RBFOX1: variants seen among roughly 807,000 people sequenced by gnomAD.
RBFOX1 encodes the protein RNA binding fox-1 homolog 1.
RBFOX1 carries 8 observed loss-of-function variants against 57.7 expected under a neutral mutation model. That is an observed-to-expected ratio of 0.14 (90% CI 0.08 to 0.25). The LOEUF (loss-of-function observed/expected upper bound fraction) is 0.25, where lower values mean the gene tolerates loss of function less well. RBFOX1 is among the 10% of genes least tolerant of loss of function. The probability of loss-of-function intolerance (pLI) is 1.00; values close to 1 mark genes in which losing one functional copy is unlikely to be tolerated. For missense variants in RBFOX1, 611 were observed against 548.5 expected, an observed-to-expected ratio of 1.11 and a Z score of -1.14; for synonymous variants, 326 against 222.4, an observed-to-expected ratio of 1.47 and a Z score of -4.15.
intron 4 of RBFOX1, among the ~76,000 whole-genome samples, chr16:7,061,749 G>C (rs2346252): frequency 0.44 from 66,585 of 151,992 alleles, 17,663 homozygotes; most frequent in South Asian, 0.63. Context: ...TAATAATGCT[G>C]ACATTTTAAT....
At chr16:6,535,244 C>T (rs1599132234) in intron 2 of RBFOX1, among the ~76,000 whole-genome samples, 1 of 152,196 alleles carries the variant, frequency 6.6e-6, no homozygotes, top group Admixed American at 6.5e-5. Context: ...TGGTCACCTT[C>T]TTTCCAGCCA....
intron 2 of RBFOX1, among the ~76,000 whole-genome samples, chr16:6,517,798 C>G (rs2096410579): frequency 6.6e-6 from 1 of 152,124 alleles, no homozygotes; most frequent in Non-Finnish European, 1.5e-5. Context: ...AATATTTTTG[C>G]TTTTCTTCCA....
intron 2 of RBFOX1, among the ~76,000 whole-genome samples, chr16:6,593,514 G>A (rs1288108922): frequency 6.6e-6 from 1 of 152,160 alleles, no homozygotes; most frequent in Non-Finnish European, 1.5e-5. Context: ...GCCTCAGGCT[G>A]ACAATGGGAT....
chr16:7,260,508 G>T (rs962585726), intron 4 of RBFOX1, among the ~76,000 whole-genome samples: 8 of 151,904 alleles, frequency 5.3e-5, no homozygotes, highest in Non-Finnish European at 8.8e-5. Context: ...CTCTTTCCCC[G>T]TTAACTGCTT....
At chr16:6,342,244 C>T (rs1156443069) in intron 2 of RBFOX1, among the ~76,000 whole-genome samples, 2 of 152,136 alleles carry the variant, frequency 1.3e-5, no homozygotes, top group African/African-American at 4.8e-5. Flanking sequence ...TGTTGCAGAG[C>T]TCCTGGGGAG....
At chr16:7,201,758 C>T (rs188936609) in intron 4 of RBFOX1, among the ~76,000 whole-genome samples, 35 of 152,196 alleles carry the variant, frequency 2.3e-4, no homozygotes, top group Non-Finnish European at 4.0e-4. Context: ...CCACCATGCC[C>T]GGCCGATCTG....
chr16:5,696,497 T>G (rs1440382966), intron 3 of RBFOX1, among the ~76,000 whole-genome samples: 2 of 152,234 alleles, frequency 1.3e-5, no homozygotes, highest in Non-Finnish European at 2.9e-5. Flanking sequence ...GTGCTTTGAC[T>G]AAATATGTAG....
chr16:6,314,055 T>TAA (rs973601488), intron 1 of RBFOX1, among the ~76,000 whole-genome samples: 2 of 152,126 alleles, frequency 1.3e-5, no homozygotes, highest in African/African-American at 4.8e-5. Flanking sequence ...AGACCAGATG[T>TAA]AAAGGTGTGG....
chr16:5,531,909 C>A (rs1007332272), intron 2 of RBFOX1, among the ~76,000 whole-genome samples: 2 of 151,728 alleles, frequency 1.3e-5, no homozygotes, highest in East Asian at 3.9e-4. Flanking sequence ...TCAAGCGTCT[C>A]CTGCCTCAGC....
chr16:6,064,968 T>G (rs997931030), intron 1 of RBFOX1, among the ~76,000 whole-genome samples: 2 of 148,332 alleles, frequency 1.3e-5, no homozygotes, highest in Non-Finnish European at 3.0e-5. Context: ...AATTAAAAAT[T>G]AAAAAAAAAA....
intron 1 of RBFOX1, among the ~76,000 whole-genome samples, chr16:5,266,947 A>G (rs1167186446): frequency 6.6e-6 from 1 of 151,940 alleles, no homozygotes; most frequent in Non-Finnish European, 1.5e-5. Flanking sequence ...CATTTAGAAA[A>G]ATTGGTCATA....
chr16:5,672,183 A>G (rs1234481898), intron 3 of RBFOX1, among the ~76,000 whole-genome samples: 1 of 152,158 alleles, frequency 6.6e-6, no homozygotes, highest in African/African-American at 2.4e-5. Flanking sequence ...GAAGGATTCC[A>G]TCCTCAGTAC....
chr16:7,392,849 GGTTTGGTTTGTTTGTTT>G (rs1291202730), intron 4 of RBFOX1, among the ~76,000 whole-genome samples: 49 of 149,228 alleles, frequency 3.3e-4, no homozygotes, highest in African/African-American at 1.1e-3. Context: ...GTTTTGGTTT[GGTTTGGTTTGTTTGTTT>G]GTTTGTTTGT....
intron 1 of RBFOX1, among the ~76,000 whole-genome samples, chr16:5,381,542 TGA>T (rs528515449): frequency 1.3e-5 from 2 of 152,132 alleles, no homozygotes; most frequent in Non-Finnish European, 2.9e-5. Flanking sequence ...CACTGGGTAG[TGA>T]GGATGAAGAG....
At chr16:6,295,790 T>C (rs2078034479) in intron 1 of RBFOX1, among the ~76,000 whole-genome samples, 1 of 152,176 alleles carries the variant, frequency 6.6e-6, no homozygotes, top group Admixed American at 6.5e-5. Flanking sequence ...AGCCCGCTGT[T>C]CACAAATGTG....
In RBFOX1 at chr16:5,365,770, C is replaced by T. The variant is rs187473099; in HGVS notation, c.220-101446C>T. The T allele has an allele frequency of 6.5e-5, 32 of 492,946 alleles. No homozygotes were observed. In the East Asian group the frequency reaches 1.5e-3, roughly 24 times the overall value. 30.5% of individuals were successfully genotyped at this position (492,946 alleles called of 1,614,324 possible). On this transcript the variant is annotated intron_variant, in intron 1 of 2. Transcript: ENST00000585867. ...TCATTTATCTCTGTCCGCCTTCTCTCCCACCTAAGTGCATGCTGCCACCCA... is the reference window on the plus strand; with the variant it reads ...TCATTTATCTCTGTCCGCCTTCTCTTCCACCTAAGTGCATGCTGCCACCCA...
At chr16:6,125,863 G>A (rs998880728) in intron 1 of RBFOX1, among the ~76,000 whole-genome samples, 7 of 152,078 alleles carry the variant, frequency 4.6e-5, no homozygotes, top group East Asian at 1.9e-4. Context: ...TGATACTGCC[G>A]GGGAGAGATT....
intron 3 of RBFOX1, among the ~76,000 whole-genome samples, chr16:5,605,627 G>A (rs763742547): frequency 5.9e-4 from 89 of 151,862 alleles, no homozygotes; most frequent in Non-Finnish European, 1.0e-3. Context: ...TCTAGGAGGG[G>A]AGAGTGGTGC....
At chr16:7,397,384 C>T (rs1052200407) in intron 4 of RBFOX1, among the ~76,000 whole-genome samples, 9 of 152,170 alleles carry the variant, frequency 5.9e-5, no homozygotes, top group Non-Finnish European at 1.0e-4. Context: ...AGTCTATGAA[C>T]GTTGGCTTAT....
Sources: gnomAD v4.1 joint callset for allele counts (sites outside exome capture counted in the v4.1 genomes callset) on GRCh38, gnomAD v4.1.1 for gene constraint, MANE v1.5 for transcripts, NCBI Gene and HGNC (gene_info 2026-07-23, HGNC 2026-07-21) for gene names.